ETFDH: variants seen among roughly 807,000 people sequenced by gnomAD.
ETFDH encodes the protein electron transfer flavoprotein dehydrogenase.
ETFDH carries 61 observed loss-of-function variants against 73.2 expected under a neutral mutation model. The observed-to-expected ratio is 0.83, with a 90% confidence interval of 0.68 to 1.03. The LOEUF is 1.03. ETFDH is among the 50% of genes least tolerant of loss of function. The pLI is 0.00. For synonymous variants in ETFDH, 243 were observed against 253.3 expected (o/e 0.96, Z 0.39); for missense variants, 685 against 745.0 (o/e 0.92, Z 0.94).
In ETFDH at chr4:158,706,734, G is replaced by A. The variant is rs1774631487; in HGVS notation, c.1574G>A (p.Ser525Asn). The A allele has an allele frequency of 6.2e-7, 1 of 1,613,728 alleles. No homozygotes were observed. The highest frequency in any genetic ancestry group is 1.7e-5 in the Admixed American group (1 of 60,006). ...GACCTCTTGTCATCTGTGGCTCTGA[G>A]TGGTACTAATCATGAACATGACCAG... ...SFDLLSSVAL[S>N]GTNHEHDQPA... The change falls in exon 12 of 13, where the codon AGT becomes AAT. Residue 525 changes from serine (S) to asparagine (N), a missense_variant. Transcript: ENST00000511912.
chr4:158,684,723 G>A lies in ETFDH; in HGVS notation c.487+50G>A, dbSNP rs61708999. 8.2e-4 allele frequency: 845 copies of A among 1,027,116 alleles called. 3 individuals are homozygous for A. The African/African-American group carries it at 0.012, about 14-fold the overall frequency. The allele number at this position is 1,027,116 out of a possible 1,614,324, so 63.6% of individuals were successfully genotyped here. On this transcript the variant is annotated intron_variant, in intron 4 of 12. Transcript: ENST00000511912. ...AACTATGGAATTCCACAGCTGGAAG[G>A]AACTACATTTCATCTGACGAAATTT...
At chr4:158,684,091 G>A (rs1300842291) in intron 3 of ETFDH, among the ~76,000 whole-genome samples, 1 of 152,056 alleles carries the variant, frequency 6.6e-6, no homozygotes, top group Non-Finnish European at 1.5e-5. Context: ...CTGGCAAGAG[G>A]TTTATTTAGA....
chr4:158,703,846 C>T (rs1774532860), intron 10 of ETFDH, among the ~76,000 whole-genome samples: 1 of 152,208 alleles, frequency 6.6e-6, no homozygotes, highest in South Asian at 2.1e-4. Context: ...CCTGTAATCC[C>T]AGCACTTTGG....
chr4:158,672,329 G>C lies in ETFDH; in HGVS notation c.-128G>C. The C allele has an allele frequency of 2.1e-6, 2 of 941,630 alleles. No individual in the cohort carries two copies. Among genetic ancestry groups the C allele is most frequent in the South Asian group, 1.3e-5 (1 of 77,424 alleles). The allele number at this position is 941,630 out of a possible 1,614,324, so 58.3% of individuals were successfully genotyped here. A position where few individuals can be genotyped will look rare whatever the true frequency, so the allele number is the denominator to read the frequency against. On this transcript the variant is annotated 5_prime_UTR_variant, in exon 1 of 13. Transcript: ENST00000511912. ...AGAGCGGTCGGCAGAGCGGGGAGGC[G>C]AACTGCAGCAGAGTTCTTGCTTTCC...
chr4:158,702,167 T>A (rs1049657303), intron 9 of ETFDH, among the ~76,000 whole-genome samples: 8 of 151,004 alleles, frequency 5.3e-5, no homozygotes, highest in Non-Finnish European at 1.0e-4. Flanking sequence ...TTTTTTTTTT[T>A]ATATGCCCTT....
intron 1 of ETFDH, among the ~76,000 whole-genome samples, chr4:158,677,816 C>T (rs1163416160): frequency 6.6e-6 from 1 of 152,166 alleles, no homozygotes; most frequent in Non-Finnish European, 1.5e-5. Context: ...ATGGCATGAA[C>T]TACTTTTTTG....
Position 158,682,215 on chromosome 4 carries a change from G to C in ETFDH, c.196G>C (p.Ala66Pro). 1 of 1,614,094 alleles carries C rather than the reference G, an allele frequency of 6.2e-7. No homozygotes were observed. Among genetic ancestry groups the C allele is most frequent in the Non-Finnish European group, 8.5e-7 (1 of 1,179,950 alleles). Residue 66 changes from alanine to proline, a missense_variant, in exon 3 of 13, where the codon GCA (alanine) becomes CCA (proline). Ala to Pro is a conservative substitution (Grantham distance 27). Around this residue, in one of 3 missense-constraint regions of ETFDH, gnomAD observed 405 missense variants for 399.3 expected, o/e 1.01. Transcript: ENST00000511912. ...RWEGVNMERF[A>P]EEADVVIVGA... is the part of the protein sequence containing the mutation. ...CCCAGGAGTGAACATGGAAAGGTTT[G>C]CAGAAGAAGCAGATGTTGTAATAGT...
intron 5 of ETFDH, among the ~76,000 whole-genome samples, chr4:158,685,429 T>C (rs1011076194): frequency 3.3e-5 from 5 of 152,350 alleles, no homozygotes; most frequent in East Asian, 1.9e-4. Flanking sequence ...CAACTTATGA[T>C]TGATCACCAT....
At chr4:158,704,645 G>A (rs1252768253) in intron 10 of ETFDH, among the ~76,000 whole-genome samples, 2 of 152,092 alleles carry the variant, frequency 1.3e-5, no homozygotes, top group Non-Finnish European at 2.9e-5. Context: ...CTGCCACTTG[G>A]ATGAAAACTC....
chr4:158,673,945 T>C (rs1324459499), intron 1 of ETFDH, among the ~76,000 whole-genome samples: 1 of 152,200 alleles, frequency 6.6e-6, no homozygotes, highest in Non-Finnish European at 1.5e-5. Context: ...TATTCCAATC[T>C]CTAAAGTGAG....
chr4:158,679,971 G>A (rs1773802435), intron 1 of ETFDH: 1 of 151,742 alleles, frequency 6.6e-6, no homozygotes, highest in Non-Finnish European at 1.5e-5. Context: ...TGTAGTCCCA[G>A]ATACTCTGGA....
intron 12 of ETFDH, among the ~76,000 whole-genome samples, chr4:158,707,999 G>GTT: frequency 6.6e-6 from 1 of 152,042 alleles, no homozygotes; most frequent in East Asian, 1.9e-4. Context: ...GACTGACAAT[G>GTT]TAAGTTGAGT....
intron 8 of ETFDH, 87 bp from the exon 9 acceptor site, chr4:158,698,900 A>G (rs549973899): frequency 6.5e-5 from 61 of 944,252 alleles, no homozygotes; most frequent in Admixed American, 3.7e-4. Context: ...TTTAACCTAC[A>G]TGTTTTCTGA....
chr4:158,703,401 T>C (rs376839037), intron 9 of ETFDH, 22 bp from the exon 10 acceptor site: 5 of 1,556,730 alleles, frequency 3.2e-6, no homozygotes, highest in Non-Finnish European at 3.5e-6. Flanking sequence ...AACAAATGTA[T>C]TCTGAATCTT....
intron 1 of ETFDH, among the ~76,000 whole-genome samples, chr4:158,678,994 G>A (rs116811001): frequency 0.012 from 1,762 of 151,870 alleles, 27 homozygotes; most frequent in African/African-American, 0.038. Flanking sequence ...TAAAATCTTC[G>A]ATCAAATATA....
chr4:158,698,865 T>A, intron 8 of ETFDH, 122 bp from the exon 9 acceptor site: 1 of 697,968 alleles, frequency 1.4e-6, no homozygotes, highest in South Asian at 1.8e-5. Flanking sequence ...CACATAGTGC[T>A]CCAAATACTT....
chr4:158,706,723 T>C lies in ETFDH; in HGVS notation c.1563T>C (p.Ser521=). The change falls in exon 12 of 13, where the codon TCT becomes TCC. Residue 521 remains serine (S), a synonymous_variant. Coordinates refer to ENST00000511912, the MANE Select transcript of ETFDH (RefSeq NM_004453.4). ...AGATCAGTTTTGACCTCTTGTCATC[T>C]GTGGCTCTGAGTGGTACTAATCATG... is the stretch of plus-strand genomic sequence containing the variant. ...DGQISFDLLS[S]VALSGTNHEH... is the part of the protein sequence containing the mutation. 1 of 1,613,930 alleles carries C rather than the reference T, an allele frequency of 6.2e-7. No homozygotes were observed. The highest frequency in any genetic ancestry group is 8.5e-7 in the Non-Finnish European group (1 of 1,179,794).
intron 9 of ETFDH, among the ~76,000 whole-genome samples, chr4:158,702,269 G>T (rs1376377983): frequency 1.3e-5 from 2 of 151,728 alleles, no homozygotes; most frequent in Non-Finnish European, 2.9e-5. Context: ...TCAAATCAGG[G>T]TAATTAGTAT....
At chr4:158,682,526 C>A in intron 3 of ETFDH, 102 bp downstream of exon 3, 1 of 891,516 alleles carries the variant, frequency 1.1e-6, no homozygotes, top group Non-Finnish European at 1.7e-6. Context: ...TCATGTAACT[C>A]TATCTTTTTT....
Sources: allele counts gnomAD v4.1 joint callset (sites outside exome capture counted in the v4.1 genomes callset), GRCh38; gene constraint gnomAD v4.1.1; regional missense constraint gnomAD v4.1.1; transcripts MANE v1.5; gene names NCBI Gene and HGNC (gene_info 2026-07-23, HGNC 2026-07-21).